MXI1: variants seen among roughly 807,000 people sequenced by gnomAD.
MXI1 encodes max-interacting protein 1.
Under a neutral mutation model 36.9 loss-of-function variants are expected in MXI1, and 18 were observed. The observed-to-expected ratio is 0.49, with a 90% CI of 0.34 to 0.72. MXI1 has a LOEUF of 0.72. MXI1 is among the 30% of genes least tolerant of loss of function. The pLI is 0.01. For synonymous variants in MXI1, 160 were observed against 146.7 expected, an observed-to-expected ratio of 1.09 and a Z score of -0.65; for missense variants, 304 against 379.1, an observed-to-expected ratio of 0.80 and a Z score of 1.64.
intron 2 of MXI1, among the ~76,000 whole-genome samples, chr10:110,237,085 A>T (rs1855501256): frequency 6.6e-6 from 1 of 152,230 alleles, no homozygotes; most frequent in South Asian, 2.1e-4. Flanking sequence ...GACTTCGCTA[A>T]ACTTAATTGT....
intron 1 of MXI1, among the ~76,000 whole-genome samples, chr10:110,221,584 G>A (rs983872677): frequency 6.6e-6 from 1 of 152,180 alleles, no homozygotes; most frequent in Non-Finnish European, 1.5e-5. Flanking sequence ...ACATTTGAGA[G>A]ATTAACACAT....
intron 1 of MXI1, among the ~76,000 whole-genome samples, chr10:110,212,057 C>T (rs933906533): frequency 2.0e-5 from 3 of 152,144 alleles, no homozygotes; most frequent in African/African-American, 7.2e-5. Flanking sequence ...AGCCGACTGG[C>T]AGGTAAGTGA....
At chr10:110,252,269 ATCT>A (rs1443373317) in intron 3 of MXI1, among the ~76,000 whole-genome samples, 1 of 152,210 alleles carries the variant, frequency 6.6e-6, no homozygotes, top group Non-Finnish European at 1.5e-5. Context: ...AAAAGAAGTG[ATCT>A]TCTCAAAGAA....
At chr10:110,272,719 G>A (rs1053760907) in intron 3 of MXI1, among the ~76,000 whole-genome samples, 1 of 151,274 alleles carries the variant, frequency 6.6e-6, no homozygotes, top group Non-Finnish European at 1.5e-5. Flanking sequence ...TATGTAATTT[G>A]TAGAATTTGC....
intron 2 of MXI1, among the ~76,000 whole-genome samples, chr10:110,232,488 T>C (rs553281903): frequency 1.3e-5 from 2 of 152,326 alleles, no homozygotes; most frequent in Admixed American, 1.3e-4. Context: ...GGCACCCCTA[T>C]TTTTCCTTCA....
intron 1 of MXI1, among the ~76,000 whole-genome samples, chr10:110,218,359 A>C (rs1854709690): frequency 6.6e-6 from 1 of 151,886 alleles, no homozygotes; most frequent in Non-Finnish European, 1.5e-5. Flanking sequence ...CTGAAGCAGG[A>C]GAATGGCGTG....
chr10:110,284,430 A>G (rs951880134), intron 5 of MXI1, among the ~76,000 whole-genome samples: 5 of 152,172 alleles, frequency 3.3e-5, no homozygotes, highest in African/African-American at 1.2e-4. Flanking sequence ...GCTCCTGCCC[A>G]CCCTTTAAGG....
intron 3 of MXI1, among the ~76,000 whole-genome samples, chr10:110,248,387 G>C (rs1445783866): frequency 6.6e-6 from 1 of 152,126 alleles, no homozygotes; most frequent in Non-Finnish European, 1.5e-5. Context: ...GCATTTTGCA[G>C]ATTATTTCTG....
chr10:110,284,933 T>TG lies in MXI1; in HGVS notation c.837dup (p.Ser280GlufsTer2). 6.2e-7 allele frequency: 1 copy of TG among 1,614,084 alleles called. No homozygotes were observed. The highest frequency in any genetic ancestry group is 8.5e-7 in the Non-Finnish European group (1 of 1,180,010). On this transcript the variant is annotated frameshift_variant, in exon 6 of 6. Transcript: ENST00000332674. LOFTEE classifies it high-confidence loss of function. The stretch of plus-strand genomic sequence containing the variant: ...ATGACCACAGCAGCCTGCCGAGTAT[T>TG]GGGAGTGACGAGGGTTACTCCAGTG...
intron 3 of MXI1, among the ~76,000 whole-genome samples, chr10:110,273,002 C>T (rs369671594): frequency 2.0e-5 from 3 of 148,122 alleles, no homozygotes; most frequent in African/African-American, 7.5e-5. Flanking sequence ...GTGAAACATA[C>T]GATTATCAAA....
Position 110,207,912 on chromosome 10 carries a change from C to T in MXI1, c.104C>T (p.Pro35Leu), listed in dbSNP as rs1221330381. 1.3e-6 allele frequency: 2 copies of T among 1,515,732 alleles called. No individual in the cohort carries two copies. Among genetic ancestry groups the T allele is most frequent in the African/African-American group, 1.4e-5 (1 of 69,152 alleles). 93.9% of individuals were successfully genotyped at this position (1,515,732 alleles called of 1,614,324 possible). The change falls in exon 1 of 6, where the codon CCC becomes CTC. Residue 35 changes from proline (P) to leucine (L), a missense_variant. Physicochemically the swap from Pro to Leu is moderately conservative, Grantham distance 98 (BLOSUM62 -3). Transcript: ENST00000332674. ...AVPPAVAAPQPPALPEDPAGA... is the reference protein window; with the variant it reads ...AVPPAVAAPQLPALPEDPAGA... The stretch of plus-strand genomic sequence containing the variant: ...CCCCCCGCCGTGGCCGCGCCCCAGC[C>T]CCCGGCCCTGCCCGAGGACCCCGCT...
At chr10:110,235,697 A>G (rs1036088448) in intron 2 of MXI1, among the ~76,000 whole-genome samples, 3 of 110,232 alleles carry the variant, frequency 2.7e-5, no homozygotes, top group Non-Finnish European at 5.8e-5. Flanking sequence ...CAAAAAATAA[A>G]TAAATAAATA....
chr10:110,214,989 A>T (rs1374352078), intron 1 of MXI1, among the ~76,000 whole-genome samples: 3 of 148,016 alleles, frequency 2.0e-5, no homozygotes, highest in Admixed American at 6.8e-5. Context: ...GGCCTCCTGA[A>T]CCATTCTTCT....
intron 3 of MXI1, 33 bp downstream of exon 3, chr10:110,244,890 C>T (rs757328814): frequency 9.4e-6 from 15 of 1,599,088 alleles, no homozygotes; most frequent in South Asian, 4.5e-5. Flanking sequence ...CTTTCACTTA[C>T]GTTTAAAAGC....
intron 3 of MXI1, among the ~76,000 whole-genome samples, chr10:110,273,962 G>T (rs530902810): frequency 3.3e-5 from 5 of 152,314 alleles, no homozygotes; most frequent in Admixed American, 3.3e-4. Flanking sequence ...ATGATACTTG[G>T]AGTTTGTTCC....
intron 5 of MXI1, among the ~76,000 whole-genome samples, chr10:110,284,148 A>G (rs1215813175): frequency 6.6e-6 from 1 of 150,704 alleles, no homozygotes; most frequent in South Asian, 2.1e-4. Context: ...TTTTTTTTTA[A>G]TGTTTGGCTT....
chr10:110,220,526 C>T (rs909481957), intron 1 of MXI1, among the ~76,000 whole-genome samples: 40 of 152,200 alleles, frequency 2.6e-4, no homozygotes, highest in African/African-American at 9.7e-4. Flanking sequence ...CTAGACCTAA[C>T]TGTGACCTCC....
At chr10:110,224,434 G>C (rs1377181923) in intron 1 of MXI1, among the ~76,000 whole-genome samples, 1 of 152,186 alleles carries the variant, frequency 6.6e-6, no homozygotes, top group African/African-American at 2.4e-5. Context: ...GGGTGGTGGT[G>C]TGCTACTGGC....
intron 2 of MXI1, among the ~76,000 whole-genome samples, chr10:110,242,917 T>C (rs1855726791): frequency 6.6e-6 from 1 of 152,022 alleles, no homozygotes; most frequent in African/African-American, 2.4e-5. Context: ...TAGTATTTTA[T>C]ATGTGCATTG....
Sources: gnomAD v4.1 joint callset for allele counts (sites outside exome capture counted in the v4.1 genomes callset) on GRCh38, gnomAD v4.1.1 for gene constraint, MANE v1.5 for transcripts, NCBI Gene and HGNC (gene_info 2026-07-23, HGNC 2026-07-21) for gene names.